Variants in LPP observed in about 807,000 individuals in gnomAD.
The protein encoded by LPP is lipoma-preferred partner.
In LPP, 38 loss-of-function variants were observed where a neutral mutation model predicts 60.4. The observed-to-expected ratio is 0.63, with a 90% CI of 0.49 to 0.83. LPP has a LOEUF of 0.83. Among genes scored for constraint, LPP ranks in the 40% least tolerant of loss-of-function variants. The pLI, the probability that LPP is intolerant of heterozygous loss-of-function variation, is 0.00. For synonymous variants in LPP, 328 were observed against 290.8 expected (o/e 1.13, Z -1.30); for missense variants, 902 against 783.6 (o/e 1.15, Z -1.80).
chr3:188,376,374 T>G (rs1234391742), intron 3 of LPP, among the ~76,000 whole-genome samples: 1 of 152,190 alleles, frequency 6.6e-6, no homozygotes, highest in African/African-American at 2.4e-5. Flanking sequence ...ACTTGCTTTA[T>G]GAATCTGGGT....
At chr3:188,503,736 C>T (rs897393575) in intron 5 of LPP, among the ~76,000 whole-genome samples, 74 of 147,362 alleles carry the variant, frequency 5.0e-4, no homozygotes, top group African/African-American at 1.8e-3. Context: ...AATTTTTTTT[C>T]CTTTTAGCAC....
chr3:188,267,532 T>TA (rs1211545350), intron 2 of LPP, among the ~76,000 whole-genome samples: 3 of 152,348 alleles, frequency 2.0e-5, no homozygotes, highest in Non-Finnish European at 2.9e-5. Flanking sequence ...GAAGATCTCA[T>TA]AGGCTTCTAG....
chr3:188,761,953 G>A (rs534595972), intron 9 of LPP, among the ~76,000 whole-genome samples: 3 of 152,280 alleles, frequency 2.0e-5, no homozygotes, highest in Non-Finnish European at 2.9e-5. Flanking sequence ...AGTGATGTTG[G>A]CAGAGTGTGT....
At chr3:188,424,054 G>A (rs1788620508) in intron 4 of LPP, among the ~76,000 whole-genome samples, 1 of 152,084 alleles carries the variant, frequency 6.6e-6, no homozygotes, top group African/African-American at 2.4e-5. Context: ...GAATGGTATT[G>A]CCTAGGTTTT....
intron 4 of LPP, among the ~76,000 whole-genome samples, chr3:188,478,329 A>G (rs1469885919): frequency 6.6e-6 from 1 of 152,196 alleles, no homozygotes; most frequent in Non-Finnish European, 1.5e-5. Flanking sequence ...TCTGGGCCAC[A>G]GTCAATTTAG....
chr3:188,305,088 C>A (rs187376086), intron 2 of LPP, among the ~76,000 whole-genome samples: 1 of 152,162 alleles, frequency 6.6e-6, no homozygotes, highest in Non-Finnish European at 1.5e-5. Flanking sequence ...ATTTCTTCTG[C>A]ATTATGGTTA....
chr3:188,171,629 G>GAGTGAGACCAAGTCTTATCC (rs1182791606), intron 1 of LPP, among the ~76,000 whole-genome samples: 1 of 152,196 alleles, frequency 6.6e-6, no homozygotes, highest in Non-Finnish European at 1.5e-5. Flanking sequence ...GTTGTTCCAT[G>GAGTGAGACCAAGTCTTATCC]AGTGAGACCA....
intron 6 of LPP, among the ~76,000 whole-genome samples, chr3:188,607,417 A>ATTT (rs71169012): frequency 5.3e-5 from 2 of 37,704 alleles, no homozygotes; most frequent in African/African-American, 1.4e-4. Flanking sequence ...ATATATATAT[A>ATTT]ATTTTTTTTT....
intron 4 of LPP, among the ~76,000 whole-genome samples, chr3:188,413,340 A>T (rs1352286224): frequency 1.3e-5 from 2 of 152,016 alleles, no homozygotes; most frequent in Non-Finnish European, 2.9e-5. Context: ...TCTTTTTTGG[A>T]GGTTACAAAT....
chr3:188,495,064 TTATATATATA>T (rs1192152538), intron 5 of LPP, among the ~76,000 whole-genome samples: 1 of 53,880 alleles, frequency 1.9e-5, no homozygotes, highest in Non-Finnish European at 3.3e-5. Flanking sequence ...GTTCAGGATT[TTATATATATA>T]TATATATATT....
At chr3:188,561,690 G>C (rs1357823512) in intron 6 of LPP, among the ~76,000 whole-genome samples, 1 of 151,890 alleles carries the variant, frequency 6.6e-6, no homozygotes, top group Non-Finnish European at 1.5e-5. Context: ...TGTCTAGCAT[G>C]TTCTACTTCC....
At chr3:188,673,931 C>T (rs1276888340) in intron 7 of LPP, among the ~76,000 whole-genome samples, 20 of 144,918 alleles carry the variant, frequency 1.4e-4, no homozygotes, top group Non-Finnish European at 3.0e-5. Flanking sequence ...AAGATTCTGT[C>T]TCTCTAGGAG....
intron 9 of LPP, among the ~76,000 whole-genome samples, chr3:188,834,076 A>G (rs1213925734): frequency 6.6e-6 from 1 of 152,090 alleles, no homozygotes; most frequent in African/African-American, 2.4e-5. Flanking sequence ...TAGATTAGGA[A>G]ATTTTCAGTC....
intron 1 of LPP, among the ~76,000 whole-genome samples, chr3:188,168,427 T>C (rs1417825178): frequency 6.6e-6 from 1 of 152,208 alleles, no homozygotes; most frequent in Non-Finnish European, 1.5e-5. Context: ...TGTGTCTACG[T>C]TGAAAAATCA....
intron 2 of LPP, among the ~76,000 whole-genome samples, chr3:188,235,915 G>A (rs1411549790): frequency 2.6e-5 from 4 of 151,900 alleles, no homozygotes; most frequent in African/African-American, 9.7e-5. Context: ...CCTCTAGATT[G>A]TAGAAGCTCC....
chr3:188,376,398 G>T (rs1775100326), intron 3 of LPP, among the ~76,000 whole-genome samples: 1 of 152,226 alleles, frequency 6.6e-6, no homozygotes. Flanking sequence ...CCTATATTGG[G>T]TGCATATATA....
intron 4 of LPP, among the ~76,000 whole-genome samples, chr3:188,459,788 C>A (rs1455792862): frequency 6.6e-6 from 1 of 151,990 alleles, no homozygotes; most frequent in Non-Finnish European, 1.5e-5. Flanking sequence ...TCAATAGAAT[C>A]AGATCAAGGG....
chr3:188,534,726 A>G (rs957454906), intron 6 of LPP, among the ~76,000 whole-genome samples: 18 of 152,332 alleles, frequency 1.2e-4, no homozygotes, highest in South Asian at 4.1e-4. Context: ...CCATTTTGAC[A>G]TCTACTTCTT....
chr3:188,598,761 A>G (rs1457084636), intron 6 of LPP, among the ~76,000 whole-genome samples: 1 of 152,200 alleles, frequency 6.6e-6, no homozygotes, highest in Non-Finnish European at 1.5e-5. Flanking sequence ...ATAAACAAGT[A>G]AAATCACTTA....
Sources: gnomAD v4.1 joint callset for allele counts (sites outside exome capture counted in the v4.1 genomes callset) on GRCh38, gnomAD v4.1.1 for gene constraint, MANE v1.5 for transcripts, NCBI Gene and HGNC (gene_info 2026-07-23, HGNC 2026-07-21) for gene names.